Variants in ALPK1 observed in about 807,000 individuals in gnomAD.
The protein encoded by ALPK1 is alpha kinase 1.
Under a neutral mutation model 120.6 loss-of-function variants are expected in ALPK1, and 110 were observed. The observed-to-expected ratio is 0.91, with a 90% confidence interval of 0.78 to 1.07. ALPK1 has a LOEUF of 1.07. ALPK1 is among the 50% of genes least tolerant of loss of function. ALPK1 has a pLI of 0.00. For missense variants in ALPK1, 1,498 were observed against 1,483.9 expected (o/e 1.01, Z -0.16); for synonymous variants, 582 against 560.3 (o/e 1.04, Z -0.55).
chr4:112,399,901 A>C (rs1046191113), intron 4 of ALPK1, among the ~76,000 whole-genome samples: 3 of 152,134 alleles, frequency 2.0e-5, no homozygotes, highest in African/African-American at 7.2e-5. Context: ...TTCTAGCTTC[A>C]TCCATGTCCC....
intron 2 of ALPK1, among the ~76,000 whole-genome samples, chr4:112,336,712 G>T (rs1729635944): frequency 6.6e-6 from 1 of 152,180 alleles, no homozygotes; most frequent in Admixed American, 6.5e-5. Flanking sequence ...TTTTGTTCAT[G>T]GTCTTGGTCA....
intron 4 of ALPK1, among the ~76,000 whole-genome samples, chr4:112,409,198 A>T (rs1277266522): frequency 1.3e-5 from 2 of 152,320 alleles, no homozygotes; most frequent in African/African-American, 4.8e-5. Context: ...CTCTCAATCC[A>T]GTGGCCTTGA....
intron 1 of ALPK1, among the ~76,000 whole-genome samples, chr4:112,310,613 G>A (rs917360991): frequency 7.2e-5 from 11 of 152,174 alleles, no homozygotes; most frequent in Admixed American, 4.6e-4. Flanking sequence ...CTGCAGTACA[G>A]GATGCTTTTA....
chr4:112,430,950 A>G lies in ALPK1; in HGVS notation c.1403A>G (p.Glu468Gly). 1 of 1,614,024 alleles carries G rather than the reference A, an allele frequency of 6.2e-7. No individual in the cohort carries two copies. The highest frequency in any genetic ancestry group is 2.2e-5 in the East Asian group (1 of 44,884). ...TCACAGCACCATACTTCGGTGTGTGAAGTATTTGAAAGTGATTGTGGAAAC... is the reference window on the plus strand; with the variant it reads ...TCACAGCACCATACTTCGGTGTGTGGAGTATTTGAAAGTGATTGTGGAAAC... ...TYSQHHTSVC[E>G]VFESDCGNNK... The change falls in exon 11 of 16, where the codon GAA (glutamate) becomes GGA (glycine). Residue 468 changes from glutamate to glycine, a missense_variant. Glu to Gly is a moderately conservative substitution (Grantham distance 98, BLOSUM62 -2). Coordinates refer to ENST00000650871, the MANE Select transcript of ALPK1 (RefSeq NM_025144.4).
chr4:112,351,608 A>C (rs936765169), intron 2 of ALPK1, among the ~76,000 whole-genome samples: 2 of 151,892 alleles, frequency 1.3e-5, no homozygotes, highest in Non-Finnish European at 2.9e-5. Flanking sequence ...CGAGTAACTG[A>C]GATTACAAGC....
Position 112,441,391 on chromosome 4 carries a change from C to A in ALPK1, c.*181C>A, listed in dbSNP as rs546910611. The A allele has an allele frequency of 2.5e-5, 17 of 671,144 alleles. No individual in the cohort carries two copies. Among genetic ancestry groups the A allele is most frequent in the African/African-American group, 2.3e-4 (13 of 56,078 alleles). The allele number at this position is 671,144 out of a possible 1,614,324, so 41.6% of individuals were successfully genotyped here. The stretch of plus-strand genomic sequence containing the variant: ...TCAAGAATGGGTCAGGAGACCGCTG[C>A]TTCTGGGCATAAGTCCTGCAAGGAA... On this transcript the variant is annotated 3_prime_UTR_variant, in exon 16 of 16. Transcript: ENST00000650871.
At chr4:112,413,841 T>C (rs1733605489) in intron 5 of ALPK1, among the ~76,000 whole-genome samples, 2 of 152,356 alleles carry the variant, frequency 1.3e-5, no homozygotes, top group South Asian at 2.1e-4. Flanking sequence ...TCATGATGAA[T>C]AGGATGCTCC....
Position 112,411,932 on chromosome 4 carries a change from C to A in ALPK1, c.382C>A (p.Leu128Met), listed in dbSNP as rs924445505. 6 of 1,614,056 alleles carry A rather than the reference C, an allele frequency of 3.7e-6. No homozygotes were observed. The Admixed American group carries it at 5.0e-5, about 13-fold the overall frequency. Residue 128 changes from leucine (L) to methionine (M), a missense_variant, in exon 5 of 16, where the codon CTG becomes ATG. Coordinates refer to ENST00000650871, the MANE Select transcript of ALPK1 (RefSeq NM_025144.4). ...LYGLDVSGKL[L>M]QVAKGLHKLQ... ...TGGGCTCGACGTCTCTGGAAAACTT[C>A]TGCAGGTCGCCAAAGGTCTCCACAA...
chr4:112,425,273 A>T (rs1260426178), intron 6 of ALPK1: 1 of 169,788 alleles, frequency 5.9e-6, no homozygotes, highest in African/African-American at 2.4e-5. Context: ...ACAGTGTAGA[A>T]ATACTACTCT....
Position 112,439,709 on chromosome 4 carries a change from G to A in ALPK1, c.3375G>A (p.Lys1125=). ...ILLILEDKTI[K]GCISVEPYIL... is the part of the protein sequence containing the mutation. ...AGATTTTAGAGGACAAGACAATAAA[G>A]GGATGTATCAGTGTGGAGCCTTACA... is the stretch of plus-strand genomic sequence containing the variant. The change falls in exon 14 of 16, where the codon AAG becomes AAA. Residue 1125 remains lysine (K), a synonymous_variant. Transcript: ENST00000650871. 2 of 1,607,340 alleles carry A rather than the reference G, an allele frequency of 1.2e-6. No individual in the cohort carries two copies. The highest frequency in any genetic ancestry group is 1.7e-6 in the Non-Finnish European group (2 of 1,177,750).
Position 112,430,667 on chromosome 4 carries a change from A to G in ALPK1, c.1120A>G (p.Thr374Ala), listed in dbSNP as rs1236292404. The G allele has an allele frequency of 1.9e-6, 3 of 1,614,062 alleles. No homozygotes were observed. Among genetic ancestry groups the G allele is most frequent in the Non-Finnish European group, 2.5e-6 (3 of 1,180,024 alleles). The change falls in exon 11 of 16, where the codon ACG becomes GCG. Residue 374 changes from threonine (T) to alanine (A), a missense_variant. By Grantham distance (58) the Thr-to-Ala change is moderately conservative. Transcript: ENST00000650871. ...CAGAAGGCTCCATGGGGAGACAGGG[A>G]CGGTCCATGCAGCAAGTCAGCTCTG... Reference protein sequence around the residue: ...VHRRLHGETGTVHAASQLCKE... With the variant: ...VHRRLHGETGAVHAASQLCKE...
chr4:112,407,471 C>G (rs887449693), intron 4 of ALPK1, among the ~76,000 whole-genome samples: 2 of 151,062 alleles, frequency 1.3e-5, no homozygotes, highest in African/African-American at 4.9e-5. Flanking sequence ...AGAGTGAGAC[C>G]CTGTCTCTAA....
At chr4:112,400,148 G>T (rs1428697047) in intron 4 of ALPK1, among the ~76,000 whole-genome samples, 1 of 152,110 alleles carries the variant, frequency 6.6e-6, no homozygotes, top group Non-Finnish European at 1.5e-5. Context: ...GATATTTCTG[G>T]TTCCAGATTA....
At chr4:112,424,202 A>AAC (rs1734129391) in intron 6 of ALPK1, among the ~76,000 whole-genome samples, 199 bp downstream of exon 6, 1 of 151,872 alleles carries the variant, frequency 6.6e-6, no homozygotes. Context: ...CTAAGTTAAA[A>AAC]AAAAAAACAA....
At chr4:112,409,854 C>T (rs755441979) in intron 4 of ALPK1, among the ~76,000 whole-genome samples, 2 of 152,034 alleles carry the variant, frequency 1.3e-5, no homozygotes, top group Non-Finnish European at 2.9e-5. Context: ...GATATTCTCC[C>T]CAACAGTTGG....
At chr4:112,378,538 C>T (rs1037884794) in intron 3 of ALPK1, among the ~76,000 whole-genome samples, 1 of 151,388 alleles carries the variant, frequency 6.6e-6, no homozygotes, top group African/African-American at 2.4e-5. Flanking sequence ...AAAGTTAAAG[C>T]AATTCTTATG....
intron 2 of ALPK1, among the ~76,000 whole-genome samples, chr4:112,353,755 G>C (rs552185819): frequency 1.3e-5 from 2 of 152,206 alleles, no homozygotes; most frequent in South Asian, 4.1e-4. Flanking sequence ...TGTAATCCCA[G>C]CTACTTGGGA....
At chr4:112,339,419 T>C (rs1560643540) in intron 2 of ALPK1, among the ~76,000 whole-genome samples, 1 of 152,364 alleles carries the variant, frequency 6.6e-6, no homozygotes, top group East Asian at 1.9e-4. Context: ...ATAGCAATTT[T>C]TACACAATAA....
chr4:112,440,804 T>C lies in ALPK1; in HGVS notation c.3539-113T>C, dbSNP rs996561291. On this transcript the variant is annotated intron_variant, in intron 14 of 15. Transcript: ENST00000650871. ...ACAGGATGGCCAAGTTTTTGAATTA[T>C]CTCTTTAAGTGTGTGTGTGTGTGTG... The C allele has an allele frequency of 2.5e-5, 34 of 1,360,282 alleles. No homozygotes were observed. In the East Asian group the frequency reaches 3.3e-4, roughly 13 times the overall value. 84.3% of individuals were successfully genotyped at this position (1,360,282 alleles called of 1,614,324 possible).
Sources: gnomAD v4.1 joint callset for allele counts (sites outside exome capture counted in the v4.1 genomes callset) on GRCh38, gnomAD v4.1.1 for gene constraint, MANE v1.5 for transcripts, NCBI Gene and HGNC (gene_info 2026-07-23, HGNC 2026-07-21) for gene names.